The following GALNTL6 variants were observed in gnomAD, a reference collection of about 807,000 sequenced individuals.
GALNTL6 encodes polypeptide N-acetylgalactosaminyltransferase like 6, also known as polypeptide N-acetylgalactosaminyltransferase-like 6.
A neutral mutation model predicts 73.7 loss-of-function variants in GALNTL6; 46 were observed. That is an observed-to-expected ratio of 0.62 (90% CI 0.49 to 0.80). The LOEUF is 0.80. GALNTL6 is among the 30% of genes least tolerant of loss of function. The pLI is 0.00. For missense variants in GALNTL6, 604 were observed against 755.0 expected, an observed-to-expected ratio of 0.80 and a Z score of 2.34; for synonymous variants, 259 against 263.7, an observed-to-expected ratio of 0.98 and a Z score of 0.17.
chr4:172,976,394 C>A (rs1675181058), intron 10 of GALNTL6, among the ~76,000 whole-genome samples: 1 of 152,062 alleles, frequency 6.6e-6, no homozygotes, highest in African/African-American at 2.4e-5. Context: ...CACATAACTG[C>A]AAGATTTAAG....
chr4:171,963,823 A>G (rs1739303829), intron 2 of GALNTL6, among the ~76,000 whole-genome samples: 1 of 152,214 alleles, frequency 6.6e-6, no homozygotes, highest in South Asian at 2.1e-4. Context: ...GGAGTGAATT[A>G]TCCGTGGGTT....
chr4:172,323,025 A>G (rs917003001), intron 4 of GALNTL6, among the ~76,000 whole-genome samples: 3 of 152,318 alleles, frequency 2.0e-5, no homozygotes, highest in Middle Eastern at 6.8e-3. Flanking sequence ...GCAACAGCCT[A>G]CATATCCACT....
Position 172,809,351 on chromosome 4 carries a change from T to C in GALNTL6, c.554-10T>C. 6.2e-7 allele frequency: 1 copy of C among 1,612,116 alleles called. No individual in the cohort carries two copies. Among genetic ancestry groups the C allele is most frequent in the South Asian group, 1.1e-5 (1 of 90,808 alleles). On this transcript the variant is annotated splice_polypyrimidine_tract_variant and intron_variant, in intron 5 of 12. Coordinates refer to ENST00000506823, the MANE Select transcript of GALNTL6 (RefSeq NM_001034845.3). This position sits in a 1 kb window ranked among gnomAD's most constrained non-coding sequence, Gnocchi z 4.4. ...GCGTTTTTTCTATGCATTCTCTACTTCCTACCTAGAACACCTGAAGGATAA... is the reference window on the plus strand; with the variant it reads ...GCGTTTTTTCTATGCATTCTCTACTCCCTACCTAGAACACCTGAAGGATAA...
intron 2 of GALNTL6, among the ~76,000 whole-genome samples, chr4:172,172,009 G>A (rs1244084365): frequency 2.0e-5 from 3 of 152,136 alleles, no homozygotes; most frequent in African/African-American, 7.2e-5. Context: ...ATGTCTGTAG[G>A]TCTAGTTTTA....
chr4:171,927,649 G>T (rs766568224), intron 2 of GALNTL6, among the ~76,000 whole-genome samples: 7 of 151,734 alleles, frequency 4.6e-5, no homozygotes, highest in Non-Finnish European at 7.4e-5. Context: ...CCTTTCTCTT[G>T]TTCTGCTCCA....
chr4:172,194,062 A>T (rs996356752), intron 2 of GALNTL6, among the ~76,000 whole-genome samples: 2 of 152,130 alleles, frequency 1.3e-5, no homozygotes, highest in African/African-American at 2.4e-5. Context: ...GTATGTTCTG[A>T]CCCAAAGCAA....
At chr4:172,952,312 C>G (rs1440938797) in intron 10 of GALNTL6, 54 bp downstream of exon 10, 66 of 1,309,458 alleles carry the variant, frequency 5.0e-5, no homozygotes, top group Middle Eastern at 2.3e-4. Context: ...TGTGCCTCCC[C>G]CATAGCCTCA....
chr4:172,210,859 T>C (rs898137945), intron 2 of GALNTL6, among the ~76,000 whole-genome samples: 2 of 152,208 alleles, frequency 1.3e-5, no homozygotes, highest in Admixed American at 6.5e-5. Context: ...ATTTATTTAT[T>C]CAATCATTTG....
chr4:172,197,458 A>C (rs1040821507), intron 2 of GALNTL6, among the ~76,000 whole-genome samples: 1 of 152,150 alleles, frequency 6.6e-6, no homozygotes, highest in African/African-American at 2.4e-5. Flanking sequence ...ATTCATATCA[A>C]ACCAAAAAAG....
intron 2 of GALNTL6, among the ~76,000 whole-genome samples, chr4:172,155,001 C>CTT (rs200223937): frequency 2.8e-4 from 41 of 144,012 alleles, no homozygotes; most frequent in East Asian, 1.4e-3. Context: ...AAATCGTATC[C>CTT]TTTTTTTTTT....
At chr4:172,669,020 T>C (rs1433978330) in intron 5 of GALNTL6, 1 of 152,164 alleles carries the variant, frequency 6.6e-6, no homozygotes, top group Non-Finnish European at 1.5e-5. Context: ...AAAGTTTTAT[T>C]TTATAGATTC....
At chr4:172,452,320 A>G (rs1392770529) in intron 5 of GALNTL6, among the ~76,000 whole-genome samples, 4 of 151,810 alleles carry the variant, frequency 2.6e-5, no homozygotes, top group African/African-American at 9.7e-5. Flanking sequence ...ATTTATATAT[A>G]TAAAAATAAA....
At chr4:172,025,827 A>G (rs984594667) in intron 2 of GALNTL6, among the ~76,000 whole-genome samples, 6 of 151,802 alleles carry the variant, frequency 4.0e-5, no homozygotes, top group Admixed American at 3.9e-4. Context: ...GTGTGTGTTT[A>G]ACTGTTTATG....
chr4:172,856,362 A>T (rs1744121302), intron 7 of GALNTL6, among the ~76,000 whole-genome samples: 1 of 152,226 alleles, frequency 6.6e-6, no homozygotes, highest in South Asian at 2.1e-4. Flanking sequence ...AACCTTCCAC[A>T]TACAGCATTT....
At chr4:173,024,551 C>A (rs1168394944) in intron 12 of GALNTL6, among the ~76,000 whole-genome samples, 1 of 152,158 alleles carries the variant, frequency 6.6e-6, no homozygotes, top group East Asian at 1.9e-4. Flanking sequence ...GGATGCAGTA[C>A]TTGGCTCTGG....
chr4:173,025,990 C>A (rs988852489), intron 12 of GALNTL6, among the ~76,000 whole-genome samples: 4 of 152,132 alleles, frequency 2.6e-5, no homozygotes, highest in Admixed American at 2.6e-4. Flanking sequence ...TCCTAATATA[C>A]CACATCATTA....
At chr4:171,853,327 G>A (rs1432721901) in intron 2 of GALNTL6, among the ~76,000 whole-genome samples, 3 of 151,978 alleles carry the variant, frequency 2.0e-5, no homozygotes, top group Middle Eastern at 3.4e-3. Context: ...TTACCTGCTG[G>A]TAAGTTTTGC....
intron 5 of GALNTL6, among the ~76,000 whole-genome samples, chr4:172,645,730 T>C (rs1486603446): frequency 6.6e-6 from 1 of 151,992 alleles, no homozygotes; most frequent in Non-Finnish European, 1.5e-5. Flanking sequence ...CCAAAATAGG[T>C]AAATGTATAT....
chr4:171,865,124 C>A (rs1004545640), intron 2 of GALNTL6, among the ~76,000 whole-genome samples: 1 of 150,692 alleles, frequency 6.6e-6, no homozygotes, highest in East Asian at 1.9e-4. Context: ...CCAGCCTGGG[C>A]GACAAAAGTG....
Sources: gnomAD v4.1 joint callset for allele counts (sites outside exome capture counted in the v4.1 genomes callset) on GRCh38, gnomAD v4.1.1 for gene constraint, Gnocchi (gnomAD v3.1) non-coding constraint, MANE v1.5 for transcripts, NCBI Gene and HGNC (gene_info 2026-07-23, HGNC 2026-07-21) for gene names.